EPHB1: variants seen among roughly 807,000 people sequenced by gnomAD.
EPHB1 encodes EPH receptor B1.
Under a neutral mutation model 94.4 loss-of-function variants are expected in EPHB1, and 30 were observed. The ratio of observed to expected loss-of-function variants is 0.32; its 90% CI spans 0.24 to 0.43. The LOEUF is 0.43. EPHB1 is among the 20% of genes least tolerant of loss of function. EPHB1 has a pLI of 1.00. For synonymous variants in EPHB1, 522 were observed against 489.1 expected (o/e 1.07, Z -0.89); for missense variants, 1,055 against 1,308.3 (o/e 0.81, Z 2.99).
At chr3:135,209,010 C>T (rs1942969588) in intron 12 of EPHB1, among the ~76,000 whole-genome samples, 1 of 152,184 alleles carries the variant, frequency 6.6e-6, no homozygotes, top group Non-Finnish European at 1.5e-5. Context: ...ACAAAAACAA[C>T]ATCCAGCTTG....
intron 2 of EPHB1, among the ~76,000 whole-genome samples, chr3:134,937,670 CA>C (rs1435784193): frequency 1.2e-4 from 18 of 152,214 alleles, no homozygotes; most frequent in Non-Finnish European, 1.5e-4. Context: ...CAGTCTCTCC[CA>C]GGGGTGACTC....
At chr3:135,101,005 C>G (rs190565880) in intron 3 of EPHB1, among the ~76,000 whole-genome samples, 3 of 152,234 alleles carry the variant, frequency 2.0e-5, no homozygotes, top group Admixed American at 2.0e-4. Context: ...GTTTCTAGGC[C>G]TTCTGTCTGA....
intron 3 of EPHB1, among the ~76,000 whole-genome samples, chr3:135,039,485 TCC>T (rs1350819114): frequency 1.6e-4 from 25 of 152,228 alleles, no homozygotes; most frequent in Non-Finnish European, 2.8e-4. Context: ...GGGGTGGTGC[TCC>T]CGTCGGGGAG....
chr3:134,858,375 T>A (rs1171059610), intron 1 of EPHB1, among the ~76,000 whole-genome samples: 1 of 152,070 alleles, frequency 6.6e-6, no homozygotes, highest in Non-Finnish European at 1.5e-5. Flanking sequence ...TGGGAGGGCG[T>A]GTGGGTCTGC....
chr3:134,936,405 G>C (rs1464610085), intron 2 of EPHB1, among the ~76,000 whole-genome samples: 1 of 152,120 alleles, frequency 6.6e-6, no homozygotes, highest in African/African-American at 2.4e-5. Context: ...TGTATGTCCG[G>C]CTCCGGGCAG....
intron 1 of EPHB1, among the ~76,000 whole-genome samples, chr3:134,851,477 C>A (rs993650588): frequency 7.2e-5 from 11 of 152,114 alleles, no homozygotes; most frequent in East Asian, 1.9e-4. Context: ...CCCTGCAACT[C>A]CCCTTGCAGC....
intron 1 of EPHB1, among the ~76,000 whole-genome samples, chr3:134,883,064 C>G (rs568371629): frequency 2.0e-5 from 3 of 152,178 alleles, no homozygotes; most frequent in Non-Finnish European, 4.4e-5. Context: ...CCTTGTGATC[C>G]GCCTGTCTTG....
chr3:135,098,933 A>T lies in EPHB1; in HGVS notation c.806-7515A>T, dbSNP rs530679396. 5.0e-5 allele frequency among the ~76,000 whole-genome samples: 7 copies of T among 139,630 alleles called. No homozygotes were observed. The South Asian group carries it at 1.4e-3, about 28-fold the overall frequency. 91.6% of individuals were successfully genotyped at this position (139,630 alleles called of 152,430 possible). On this transcript the variant is annotated intron_variant, in intron 3 of 15. Transcript: ENST00000398015. ...GAGGCTGAGGCAGGAGAATTGCTTG[A>T]CCCTGGGAGGCGGAGGTTGCGGTGA...
intron 11 of EPHB1, among the ~76,000 whole-genome samples, chr3:135,194,335 T>A (rs1007821525): frequency 2.0e-5 from 3 of 152,224 alleles, no homozygotes; most frequent in Non-Finnish European, 4.4e-5. Context: ...TTATACTTTT[T>A]TTCCCCATAA....
chr3:135,221,438 C>T (rs1943278091), intron 12 of EPHB1, among the ~76,000 whole-genome samples: 1 of 152,166 alleles, frequency 6.6e-6, no homozygotes. Context: ...TACTAGTAAT[C>T]ATTATCTTCA....
chr3:135,222,636 C>T (rs1442239572), intron 12 of EPHB1, among the ~76,000 whole-genome samples: 1 of 152,072 alleles, frequency 6.6e-6, no homozygotes, highest in Non-Finnish European at 1.5e-5. Context: ...AGGGAGTAAA[C>T]ATGAGGAAAT....
intron 11 of EPHB1, among the ~76,000 whole-genome samples, chr3:135,195,065 G>C (rs1942561559): frequency 6.6e-6 from 1 of 152,278 alleles, no homozygotes; most frequent in South Asian, 2.1e-4. Context: ...ATGAAGTTGA[G>C]TTGAATAAAC....
intron 3 of EPHB1, among the ~76,000 whole-genome samples, chr3:135,017,024 G>C (rs1466116786): frequency 6.6e-6 from 1 of 152,152 alleles, no homozygotes. Flanking sequence ...TCTTCCTTAG[G>C]CAGGCTGGGG....
chr3:135,140,668 T>C lies in EPHB1; in HGVS notation c.1297+7619T>C, dbSNP rs573932511. Among the ~76,000 whole-genome samples, 297 of 152,216 alleles carry C rather than the reference T, an allele frequency of 2.0e-3. 2 individuals carry two copies. Among genetic ancestry groups the C allele is most frequent in the Middle Eastern group, 3.4e-3 (1 of 294 alleles). On this transcript the variant is annotated intron_variant, in intron 5 of 15. Coordinates refer to ENST00000398015, the MANE Select transcript of EPHB1 (RefSeq NM_004441.5). ...CTGCACCCCCAAACCATAACCATGT[T>C]CTGTGAGAGTTGCTCTTCTATGACC...
At chr3:134,883,931 T>A (rs1319819041) in intron 1 of EPHB1, among the ~76,000 whole-genome samples, 1 of 152,180 alleles carries the variant, frequency 6.6e-6, no homozygotes, top group East Asian at 1.9e-4. Flanking sequence ...TCATCATAAC[T>A]CTGTGAATCA....
chr3:134,923,323 C>G (rs1156946226), intron 1 of EPHB1, among the ~76,000 whole-genome samples: 1 of 152,082 alleles, frequency 6.6e-6, no homozygotes, highest in Non-Finnish European at 1.5e-5. Flanking sequence ...ACAGGTAGGC[C>G]CATCATGTTA....
chr3:135,108,915 C>A (rs532368471), intron 4 of EPHB1, among the ~76,000 whole-genome samples: 1 of 152,152 alleles, frequency 6.6e-6, no homozygotes, highest in Non-Finnish European at 1.5e-5. Flanking sequence ...GACAGACTAC[C>A]AGGACAGTGG....
At chr3:135,048,623 A>T (rs897003029) in intron 3 of EPHB1, among the ~76,000 whole-genome samples, 1 of 152,216 alleles carries the variant, frequency 6.6e-6, no homozygotes, top group African/African-American at 2.4e-5. Context: ...AGCAGATGTC[A>T]TGAAGCATTA....
intron 4 of EPHB1, among the ~76,000 whole-genome samples, chr3:135,113,070 G>A (rs553388989): frequency 2.0e-5 from 3 of 152,344 alleles, no homozygotes; most frequent in Non-Finnish European, 4.4e-5. Context: ...AGGGGAGGTA[G>A]TCTGTGTTCT....
Sources: gnomAD v4.1 joint callset for allele counts (sites outside exome capture counted in the v4.1 genomes callset) on GRCh38, gnomAD v4.1.1 for gene constraint, MANE v1.5 for transcripts, NCBI Gene and HGNC (gene_info 2026-07-23, HGNC 2026-07-21) for gene names.